Variants in PLCG1 observed in about 807,000 individuals in gnomAD.
PLCG1 encodes the protein 1-phosphatidylinositol 4,5-bisphosphate phosphodiesterase gamma-1.
A neutral mutation model predicts 177.8 loss-of-function variants in PLCG1; 71 were observed. The observed-to-expected ratio is 0.40, with a 90% CI of 0.33 to 0.49. PLCG1 has a LOEUF of 0.49. Among genes scored for constraint, PLCG1 ranks in the 20% least tolerant of loss-of-function variants. PLCG1 has a pLI of 0.72. For synonymous variants in PLCG1, 658 were observed against 647.9 expected (o/e 1.02, Z -0.24); for missense variants, 1,281 against 1,709.0 (o/e 0.75, Z 4.42).
At chr20:41,162,229 GT>G (rs1326156945) in intron 4 of PLCG1, 219 of 276,982 alleles carry the variant, frequency 7.9e-4, no homozygotes, top group African/African-American at 5.4e-3. Context: ...TGTTTGTTTT[GT>G]TTTTGTTTTT....
At position 41,137,981 on chromosome 20, in the gene PLCG1, T is replaced by G; in HGVS notation, c.217+123T>G. 1 of 598,194 alleles carries G rather than the reference T, an allele frequency of 1.7e-6. No individual in the cohort carries two copies. Among genetic ancestry groups the G allele is most frequent in the Non-Finnish European group, 2.5e-6 (1 of 407,920 alleles). The allele number at this position is 598,194 out of a possible 1,614,324, so 37.1% of individuals were successfully genotyped here. A position where few individuals can be genotyped will look rare whatever the true frequency, so the allele number is the denominator to read the frequency against. The stretch of plus-strand genomic sequence containing the variant: ...GGCAAACTTTCGGGCCCTCCCAGAC[T>G]CCCTCCGGGCCCCGCCCCCGCTTCG... On this transcript the variant is annotated intron_variant, in intron 1 of 31. Coordinates refer to ENST00000685551, the MANE Select transcript of PLCG1 (RefSeq NM_002660.3). This position sits in a 1 kb window ranked among gnomAD's most constrained non-coding sequence, Gnocchi z 7.3.
chr20:41,140,326 C>T (rs906745571), intron 1 of PLCG1, among the ~76,000 whole-genome samples: 3 of 152,214 alleles, frequency 2.0e-5, no homozygotes, highest in African/African-American at 7.2e-5. Flanking sequence ...TCTACCCATT[C>T]GTGGGCTCTC....
Position 41,173,301 on chromosome 20 carries a change from C to G in PLCG1, c.3280-119C>G. 1 of 1,041,832 alleles carries G rather than the reference C, an allele frequency of 9.6e-7. No individual in the cohort carries two copies. Among genetic ancestry groups the G allele is most frequent in the Non-Finnish European group, 1.4e-6 (1 of 727,662 alleles). 64.5% of individuals were successfully genotyped at this position (1,041,832 alleles called of 1,614,324 possible). ...TCGTGAGGGACTCCATGGGCAGTGTCCCGGGGGCCCAGCAGAGGGCGCGCT... is the reference window on the plus strand; with the variant it reads ...TCGTGAGGGACTCCATGGGCAGTGTGCCGGGGGCCCAGCAGAGGGCGCGCT... On this transcript the variant is annotated intron_variant, in intron 27 of 31. Coordinates refer to ENST00000685551, the MANE Select transcript of PLCG1 (RefSeq NM_002660.3). The surrounding 1 kb of genome is among the most constrained non-coding windows in gnomAD (Gnocchi z 6.2).
chr20:41,170,235 A>G lies in PLCG1; in HGVS notation c.2774A>G (p.Lys925Arg), dbSNP rs1324516631. Reference protein sequence around the residue: ...SQEELQDWVKKIREVAQTADA... With the variant: ...SQEELQDWVKRIREVAQTADA... ...GAGGAGCTGCAGGACTGGGTGAAAA[A>G]GATCCGTGAAGTGGCCCAGACAGCA... Residue 925 changes from lysine (K) to arginine (R), a missense_variant, in exon 24 of 32, where the codon AAG becomes AGG. This residue lies in a region of PLCG1 where 723 missense variants were observed against 1,030.0 expected (regional missense o/e 0.70). Transcript: ENST00000685551. 6.2e-7 allele frequency: 1 copy of G among 1,613,942 alleles called. No homozygotes were observed. The highest frequency in any genetic ancestry group is 8.5e-7 in the Non-Finnish European group (1 of 1,179,976).
Position 41,173,395 on chromosome 20 carries a change from C to T in PLCG1, c.3280-25C>T, listed in dbSNP as rs765669239. The T allele has an allele frequency of 2.6e-6, 4 of 1,552,264 alleles. No individual in the cohort carries two copies. Among genetic ancestry groups the T allele is most frequent in the African/African-American group, 1.4e-5 (1 of 74,026 alleles). ...TTGGAGGGAGCAGGAAGGACAATCCCAGGCCCTTCTTTGTCTGCCTACAGG... is the reference window on the plus strand; with the variant it reads ...TTGGAGGGAGCAGGAAGGACAATCCTAGGCCCTTCTTTGTCTGCCTACAGG... On this transcript the variant is annotated intron_variant, in intron 27 of 31. Coordinates refer to ENST00000685551, the MANE Select transcript of PLCG1 (RefSeq NM_002660.3). This position sits in a 1 kb window ranked among gnomAD's most constrained non-coding sequence, Gnocchi z 6.2.
rs760282922 is a variant in PLCG1, at chr20:41,163,318, G to C, written c.789+43G>C. 2 of 1,597,366 alleles carry C rather than the reference G, an allele frequency of 1.3e-6. No homozygotes were observed. Among genetic ancestry groups the C allele is most frequent in the Admixed American group, 1.7e-5 (1 of 59,110 alleles). ...TTGGCCCAGGCTGGTAGGTTGTGGG[G>C]GGCTGGGCTCATCCCTGACTGGAGG... is the stretch of plus-strand genomic sequence containing the variant. On this transcript the variant is annotated intron_variant, in intron 8 of 31. Transcript: ENST00000685551. This position sits in a 1 kb window ranked among gnomAD's most constrained non-coding sequence, Gnocchi z 5.2.
rs951545772 is a variant in PLCG1 at position 41,150,080 on chromosome 20, C to G, written c.218-9526C>G. ...GTGGTTTGCCTGTAGTCCCAGCTACCTGAAAGGCCAAGGTGGGAGGATCAC... is the reference window on the plus strand; with the variant it reads ...GTGGTTTGCCTGTAGTCCCAGCTACGTGAAAGGCCAAGGTGGGAGGATCAC... On this transcript the variant is annotated intron_variant, in intron 1 of 31. Transcript: ENST00000685551. The surrounding 1 kb of genome is among the most constrained non-coding windows in gnomAD (Gnocchi z 4.0). Among the ~76,000 whole-genome samples the G allele has an allele frequency of 5.9e-5, 9 of 152,126 alleles. No individual in the cohort carries two copies. The highest frequency in any genetic ancestry group is 2.2e-4 in the African/African-American group (9 of 41,418).
chr20:41,163,683 C>G lies in PLCG1; in HGVS notation c.892-32C>G. 6.9e-7 allele frequency: 1 copy of G among 1,440,466 alleles called. No individual in the cohort carries two copies. The highest frequency in any genetic ancestry group is 9.8e-7 in the Non-Finnish European group (1 of 1,021,600). The allele number at this position is 1,440,466 out of a possible 1,614,324, so 89.2% of individuals were successfully genotyped here. On this transcript the variant is annotated intron_variant, in intron 9 of 31. Transcript: ENST00000685551. This position sits in a 1 kb window ranked among gnomAD's most constrained non-coding sequence, Gnocchi z 5.2. ...TTGGGTTGGACAGGGCAGGGACTCA[C>G]TGTCTCTTCCCTTCCACATGTTTCT...
chr20:41,140,734 G>C (rs1423550341), intron 1 of PLCG1, among the ~76,000 whole-genome samples: 1 of 152,208 alleles, frequency 6.6e-6, no homozygotes, highest in Non-Finnish European at 1.5e-5. Context: ...ACAGGAACCA[G>C]GTTGGTGTTT....
chr20:41,137,623 C>A lies in PLCG1; in HGVS notation c.-19C>A. 7.6e-7 allele frequency: 1 copy of A among 1,313,098 alleles called. No homozygotes were observed. The highest frequency in any genetic ancestry group is 9.7e-7 in the Non-Finnish European group (1 of 1,029,082). 81.3% of individuals were successfully genotyped at this position (1,313,098 alleles called of 1,614,324 possible). ...GGGCGGTCCTGGCCTGTGCCGCCGCCGCCCCCAGCGTCGGAGCCATGGCGG... is the reference window on the plus strand; with the variant it reads ...GGGCGGTCCTGGCCTGTGCCGCCGCAGCCCCCAGCGTCGGAGCCATGGCGG... On this transcript the variant is annotated 5_prime_UTR_variant, in exon 1 of 32. Transcript: ENST00000685551. The surrounding 1 kb of genome is among the most constrained non-coding windows in gnomAD (Gnocchi z 7.3).
intron 6 of PLCG1, 53 bp downstream of exon 6, chr20:41,162,778 C>T: frequency 1.4e-6 from 2 of 1,471,966 alleles, no homozygotes; most frequent in Admixed American, 1.7e-5. Context: ...TTCCACCCCA[C>T]ACCCCAGCTC....
rs543551400 is a variant in PLCG1 at position 41,148,042 on chromosome 20, G to A, written c.217+10184G>A. 2.6e-5 allele frequency among the ~76,000 whole-genome samples: 4 copies of A among 152,222 alleles called. No homozygotes were observed. Among genetic ancestry groups the A allele is most frequent in the African/African-American group, 9.6e-5 (4 of 41,534 alleles). On this transcript the variant is annotated intron_variant, in intron 1 of 31. Coordinates refer to ENST00000685551, the MANE Select transcript of PLCG1 (RefSeq NM_002660.3). This position sits in a 1 kb window ranked among gnomAD's most constrained non-coding sequence, Gnocchi z 4.3. ...AGGGAGTGCAGCCAGATGCTGTGGC[G>A]GCTGGGTCAAGTAGCTCTAAAACAG...
At chr20:41,138,183 G>A (rs1376466404) in intron 1 of PLCG1, among the ~76,000 whole-genome samples, 1 of 152,180 alleles carries the variant, frequency 6.6e-6, no homozygotes, top group African/African-American at 2.4e-5. Context: ...GAGTGGTGGC[G>A]GCGTCGGCGA....
chr20:41,177,210 A>AGAC lies in PLCG1; in HGVS notation c.*2702_*2704dup, dbSNP rs2036088536. The AGAC allele has an allele frequency of 6.6e-6, 1 of 152,264 alleles. No homozygotes were observed. The highest frequency in any genetic ancestry group is 1.5e-5 in the Non-Finnish European group (1 of 68,044). 9.4% of individuals were successfully genotyped at this position (152,264 alleles called of 1,614,324 possible). On this transcript the variant is annotated 3_prime_UTR_variant, in exon 32 of 32. Coordinates refer to ENST00000685551, the MANE Select transcript of PLCG1 (RefSeq NM_002660.3). ...TCTGGCTGACAGACCAGGGACAAGTAGACTGGGTTCAAAGTGACAGACCTT... is the reference window on the plus strand; with the variant it reads ...TCTGGCTGACAGACCAGGGACAAGTAGACGACTGGGTTCAAAGTGACAGACCTT...
Position 41,160,091 on chromosome 20 carries a change from G to A in PLCG1, c.465-15G>A. 1 of 1,614,062 alleles carries A rather than the reference G, an allele frequency of 6.2e-7. No homozygotes were observed. The highest frequency in any genetic ancestry group is 1.1e-5 in the South Asian group (1 of 91,084). ...AGATGGAGAAGTGGCCCTCACCTCAGGCTTCTCTCTCCAGGTGGCTCCGGA... is the reference window on the plus strand; with the variant it reads ...AGATGGAGAAGTGGCCCTCACCTCAAGCTTCTCTCTCCAGGTGGCTCCGGA... On this transcript the variant is annotated splice_polypyrimidine_tract_variant and intron_variant, in intron 3 of 31. Transcript: ENST00000685551. This position sits in a 1 kb window ranked among gnomAD's most constrained non-coding sequence, Gnocchi z 5.5.
chr20:41,162,044 GGAAGTTGT>G (rs2035516198), intron 4 of PLCG1, among the ~76,000 whole-genome samples: 4 of 151,990 alleles, frequency 2.6e-5, no homozygotes, highest in African/African-American at 9.7e-5. Flanking sequence ...CCCCCAACAG[GGAAGTTGT>G]GAGTGAGCCC....
rs938304701 is a variant in PLCG1 at position 41,162,497 on chromosome 20, C to T, written c.558C>T (p.Tyr186=). Residue 186 remains tyrosine (Y), a synonymous_variant, in exon 5 of 32, where the codon TAC becomes TAT. Coordinates refer to ENST00000685551, the MANE Select transcript of PLCG1 (RefSeq NM_002660.3). ...AGAACATGCTGTCCCAGGTCAACTA[C>T]CGGGTCCCCAACATGCGCTTCCTCC... ...DLKNMLSQVN[Y]RVPNMRFLRE... The T allele has an allele frequency of 1.9e-6, 3 of 1,613,930 alleles. No homozygotes were observed. Among genetic ancestry groups the T allele is most frequent in the Middle Eastern group, 1.6e-4 (1 of 6,062 alleles).
In PLCG1 at chr20:41,163,415, T is replaced by G. The variant is rs779865824; in HGVS notation, c.827T>G (p.Phe276Cys). ...WAVDRLQVQEFMLSFLRDPLR... is the reference protein window; with the variant it reads ...WAVDRLQVQECMLSFLRDPLR... ...GTTGATCGCCTCCAGGTGCAGGAGTTCATGCTCAGCTTCCTCCGAGACCCC... is the reference window on the plus strand; with the variant it reads ...GTTGATCGCCTCCAGGTGCAGGAGTGCATGCTCAGCTTCCTCCGAGACCCC... The change falls in exon 9 of 32, where the codon TTC becomes TGC. Residue 276 changes from phenylalanine (F) to cysteine (C), a missense_variant. Phe to Cys is a radical substitution (Grantham distance 205). Coordinates refer to ENST00000685551, the MANE Select transcript of PLCG1 (RefSeq NM_002660.3). The surrounding 1 kb of genome is among the most constrained non-coding windows in gnomAD (Gnocchi z 5.2). 2.5e-6 allele frequency: 4 copies of G among 1,613,404 alleles called. No homozygotes were observed. In the Admixed American group the frequency reaches 6.7e-5, roughly 27 times the overall value.
rs2035417525 is a variant in PLCG1, at chr20:41,159,258, G to A, written c.218-348G>A. On this transcript the variant is annotated intron_variant, in intron 1 of 31. Coordinates refer to ENST00000685551, the MANE Select transcript of PLCG1 (RefSeq NM_002660.3). The surrounding 1 kb of genome is among the most constrained non-coding windows in gnomAD (Gnocchi z 6.0). ...TTTGATTTGTGTGTACCTTGTGTCA[G>A]GAAGTGGTCCTCATGAACAGCCTTG... is the stretch of plus-strand genomic sequence containing the variant. 6.6e-6 allele frequency among the ~76,000 whole-genome samples: 1 copy of A among 152,152 alleles called. No homozygotes were observed. Among genetic ancestry groups the A allele is most frequent in the African/African-American group, 2.4e-5 (1 of 41,420 alleles).
Sources: gnomAD v4.1 joint callset for allele counts (sites outside exome capture counted in the v4.1 genomes callset) on GRCh38, gnomAD v4.1.1 for gene constraint, gnomAD v4.1.1 regional missense constraint, Gnocchi (gnomAD v3.1) non-coding constraint, MANE v1.5 for transcripts, NCBI Gene and HGNC (gene_info 2026-07-23, HGNC 2026-07-21) for gene names.